SSBP3: variants seen among roughly 807,000 people sequenced by gnomAD.
SSBP3 encodes the protein single-stranded DNA-binding protein 3.
SSBP3 carries 5 observed loss-of-function variants against 69.6 expected under a neutral mutation model. That is an observed-to-expected ratio of 0.07 (90% CI 0.04 to 0.15). The LOEUF is 0.15. Ranked by LOEUF, SSBP3 falls within the 10% of genes least tolerant of loss-of-function variation. The pLI is 1.00. For synonymous variants in SSBP3, 196 were observed against 193.4 expected (o/e 1.01, Z -0.11); for missense variants, 312 against 534.0 (o/e 0.58, Z 4.10).
At chr1:54,333,839 AG>A (rs1380293738) in intron 4 of SSBP3, among the ~76,000 whole-genome samples, 9 of 152,200 alleles carry the variant, frequency 5.9e-5, no homozygotes, top group African/African-American at 1.4e-4. Context: ...CTGAGGCAAG[AG>A]GATCACCTGA....
chr1:54,363,717 C>G (rs1043609857), intron 4 of SSBP3, among the ~76,000 whole-genome samples: 1 of 152,140 alleles, frequency 6.6e-6, no homozygotes, highest in African/African-American at 2.4e-5. Flanking sequence ...AAAAAGCAAC[C>G]ATTGTTTATT....
chr1:54,390,724 T>A (rs891425638), intron 4 of SSBP3, among the ~76,000 whole-genome samples: 1 of 152,228 alleles, frequency 6.6e-6, no homozygotes, highest in African/African-American at 2.4e-5. Flanking sequence ...AATCCCCTTT[T>A]GAAGCGGCTC....
chr1:54,283,448 G>T (rs1645432849), intron 4 of SSBP3, among the ~76,000 whole-genome samples: 2 of 152,206 alleles, frequency 1.3e-5, no homozygotes, highest in African/African-American at 4.8e-5. Context: ...TGGGATGACT[G>T]TGGGCAAGCC....
At chr1:54,339,749 C>G (rs910584221) in intron 4 of SSBP3, among the ~76,000 whole-genome samples, 1 of 151,860 alleles carries the variant, frequency 6.6e-6, no homozygotes, top group African/African-American at 2.4e-5. Flanking sequence ...CCCATCTCTA[C>G]TAAAAATACA....
chr1:54,271,914 C>T (rs984673501), intron 5 of SSBP3, among the ~76,000 whole-genome samples: 4 of 152,082 alleles, frequency 2.6e-5, no homozygotes, highest in African/African-American at 7.2e-5. Flanking sequence ...GGATTCCAGT[C>T]GCATGCCACC....
intron 4 of SSBP3, among the ~76,000 whole-genome samples, chr1:54,338,832 G>A (rs1646556023): frequency 6.6e-6 from 1 of 152,076 alleles, no homozygotes; most frequent in Non-Finnish European, 1.5e-5. Context: ...CCTACATCTG[G>A]ACCAGCTGCT....
chr1:54,228,111 T>TA (rs1644317808), intron 17 of SSBP3, 144 bp downstream of exon 17: 10 of 800,844 alleles, frequency 1.2e-5, no homozygotes, highest in Non-Finnish European at 2.1e-5. Flanking sequence ...ACACTTCTGC[T>TA]AAAAAAATAA....
intron 4 of SSBP3, among the ~76,000 whole-genome samples, chr1:54,366,836 T>C (rs1041741556): frequency 1.3e-5 from 2 of 152,210 alleles, no homozygotes; most frequent in Non-Finnish European, 2.9e-5. Context: ...AATAAAACTT[T>C]AGAAGCGTTC....
intron 4 of SSBP3, among the ~76,000 whole-genome samples, chr1:54,301,522 C>T (rs1645800519): frequency 6.6e-6 from 1 of 152,214 alleles, no homozygotes; most frequent in Non-Finnish European, 1.5e-5. Context: ...TCCAATTACT[C>T]CCTTTCTTGT....
At chr1:54,241,230 G>T (rs1370535978) in intron 12 of SSBP3, among the ~76,000 whole-genome samples, 1 of 152,158 alleles carries the variant, frequency 6.6e-6, no homozygotes, top group African/African-American at 2.4e-5. Context: ...GGCCTGCGGT[G>T]GACGCCAAGC....
chr1:54,239,718 T>C (rs1452767291), intron 13 of SSBP3, among the ~76,000 whole-genome samples: 1 of 152,198 alleles, frequency 6.6e-6, no homozygotes, highest in African/African-American at 2.4e-5. Flanking sequence ...ATGTAGGTCA[T>C]GCAGCTCATC....
intron 4 of SSBP3, among the ~76,000 whole-genome samples, chr1:54,344,002 A>AG (rs1031149456): frequency 3.3e-5 from 5 of 151,854 alleles, no homozygotes; most frequent in African/African-American, 1.2e-4. Context: ...GACCCGAAGG[A>AG]GAAAAAGAAG....
At position 54,405,368 on chromosome 1, in the gene SSBP3, CCCCCAAACAA is replaced by C. The variant is rs1649647114; in HGVS notation, c.57-448_57-439del. On this transcript the variant is annotated intron_variant, in intron 1 of 17. Coordinates refer to ENST00000610401, the Ensembl canonical transcript of SSBP3. ...AGCAAAGCGCCACCCTCGTCACCTCCCCCCAAACAACTGTGCCCCAAGCCTGGGGCCAAGC... is the reference window on the plus strand; with the variant it reads ...AGCAAAGCGCCACCCTCGTCACCTCCCTGTGCCCCAAGCCTGGGGCCAAGC... 9 of 185,774 alleles carry C rather than the reference CCCCCAAACAA, an allele frequency of 4.8e-5. No homozygotes were observed. The South Asian group carries it at 1.0e-3, about 22-fold the overall frequency. The allele number at this position is 185,774 out of a possible 1,614,324, so 11.5% of individuals were successfully genotyped here.
intron 14 of SSBP3, among the ~76,000 whole-genome samples, chr1:54,230,196 A>T (rs1644357876): frequency 6.6e-6 from 1 of 152,010 alleles, no homozygotes; most frequent in Admixed American, 6.5e-5. Flanking sequence ...AGACTGGGGG[A>T]GGGGTGGCGC....
At chr1:54,296,868 C>T (rs1025992552) in intron 4 of SSBP3, among the ~76,000 whole-genome samples, 1 of 152,152 alleles carries the variant, frequency 6.6e-6, no homozygotes, top group South Asian at 2.1e-4. Flanking sequence ...GCCATCCCTG[C>T]CCCCAAAGCC....
intron 4 of SSBP3, among the ~76,000 whole-genome samples, chr1:54,349,365 A>G (rs992440191): frequency 6.6e-6 from 1 of 152,200 alleles, no homozygotes; most frequent in African/African-American, 2.4e-5. Flanking sequence ...TTTGTTTGTT[A>G]TGTGAGCAAA....
chr1:54,383,825 G>C (rs887599696), intron 4 of SSBP3, among the ~76,000 whole-genome samples: 4 of 151,834 alleles, frequency 2.6e-5, no homozygotes, highest in African/African-American at 9.7e-5. Flanking sequence ...AGCAAGAACC[G>C]GCCGGGCACG....
At chr1:54,324,903 G>A (rs17110393) in intron 4 of SSBP3, among the ~76,000 whole-genome samples, 24,170 of 152,042 alleles carry the variant, frequency 0.16, 2,885 homozygotes, top group African/African-American at 0.32. Context: ...CAAACTTCCC[G>A]GCTAGCTGAG....
chr1:54,348,258 GGGC>G (rs1646723614), intron 4 of SSBP3, among the ~76,000 whole-genome samples: 1 of 121,926 alleles, frequency 8.2e-6, no homozygotes, highest in Non-Finnish European at 1.8e-5. Context: ...GGGGGGGGGG[GGGC>G]GGGTGAGGAC....
Sources: allele counts gnomAD v4.1 joint callset (sites outside exome capture counted in the v4.1 genomes callset), GRCh38; gene constraint gnomAD v4.1.1; transcripts MANE v1.5; gene names NCBI Gene and HGNC (gene_info 2026-07-23, HGNC 2026-07-21).